The following SPTLC1 variants were observed in gnomAD, a reference collection of about 807,000 sequenced individuals.
SPTLC1 encodes the protein serine palmitoyltransferase 1.
SPTLC1 carries 55 observed loss-of-function variants against 68.9 expected under a neutral mutation model. The observed-to-expected ratio is 0.80, with a 90% CI of 0.64 to 1.00. The LOEUF (loss-of-function observed/expected upper bound fraction) is 1.00. SPTLC1 is among the 50% of genes least tolerant of loss of function. The pLI is 0.00. For synonymous variants in SPTLC1, 197 were observed against 201.6 expected, an observed-to-expected ratio of 0.98 and a Z score of 0.19; for missense variants, 449 against 573.1, an observed-to-expected ratio of 0.78 and a Z score of 2.21.
At chr9:92,060,401 C>A (rs372988410) in intron 6 of SPTLC1, among the ~76,000 whole-genome samples, 2 of 151,726 alleles carry the variant, frequency 1.3e-5, no homozygotes, top group African/African-American at 4.8e-5. Flanking sequence ...AGAGCAGCCA[C>A]GATAAAAATA....
At chr9:92,085,547 C>A (rs1344728958) in intron 3 of SPTLC1, among the ~76,000 whole-genome samples, 4 of 149,960 alleles carry the variant, frequency 2.7e-5, no homozygotes, top group African/African-American at 9.8e-5. Flanking sequence ...TGTAGTTGAG[C>A]GGTTTTGAGT....
chr9:92,032,559 C>A lies in SPTLC1; in HGVS notation c.1329-1G>T, dbSNP rs756268983. On this transcript the variant is annotated splice_acceptor_variant, in intron 14 of 14. Transcript: ENST00000262554. LOFTEE classifies it high-confidence loss of function. Reference sequence around the variant, plus strand: ...TTCCACCGTGACCACAACCCGAATGCTGAGAACAGTAAAGGACACAAAGAA... The same window carrying A: ...TTCCACCGTGACCACAACCCGAATGATGAGAACAGTAAAGGACACAAAGAA... 13 of 1,614,152 alleles carry A rather than the reference C, an allele frequency of 8.1e-6. No homozygotes were observed. The highest frequency in any genetic ancestry group is 1.1e-5 in the Non-Finnish European group (13 of 1,180,040).
intron 3 of SPTLC1, among the ~76,000 whole-genome samples, chr9:92,094,279 T>A (rs563976479): frequency 1.6e-4 from 24 of 152,360 alleles, no homozygotes; most frequent in African/African-American, 5.8e-4. Flanking sequence ...ATGTCATCAA[T>A]TGTATTTTAT....
intron 3 of SPTLC1, among the ~76,000 whole-genome samples, chr9:92,106,501 T>C (rs1165441214): frequency 2.0e-5 from 3 of 146,346 alleles, no homozygotes; most frequent in Non-Finnish European, 4.5e-5. Flanking sequence ...AAGTAAGACA[T>C]GGCAAACTGC....
chr9:92,039,982 T>C (rs1833284012), intron 12 of SPTLC1, among the ~76,000 whole-genome samples: 1 of 152,242 alleles, frequency 6.6e-6, no homozygotes, highest in South Asian at 2.1e-4. Context: ...CAATACACTT[T>C]GAAAACCCAT....
At chr9:92,103,703 C>CG (rs1835845068) in intron 3 of SPTLC1, among the ~76,000 whole-genome samples, 1 of 152,254 alleles carries the variant, frequency 6.6e-6, no homozygotes, top group African/African-American at 2.4e-5. Flanking sequence ...ATGGAGAAGG[C>CG]GGGCCTTGCT....
At chr9:92,098,506 A>C (rs1835624040) in intron 3 of SPTLC1, among the ~76,000 whole-genome samples, 1 of 152,070 alleles carries the variant, frequency 6.6e-6, no homozygotes, top group Non-Finnish European at 1.5e-5. Flanking sequence ...AACAACCTTC[A>C]ATTTTCTTGT....
chr9:92,111,635 A>C (rs1195490836), intron 2 of SPTLC1: 1 of 152,174 alleles, frequency 6.6e-6, no homozygotes, highest in Non-Finnish European at 1.5e-5. Flanking sequence ...CTTATGAGGA[A>C]TAGTTATAAC....
At position 92,115,249 on chromosome 9, in the gene SPTLC1, C is replaced by G. The variant is rs1054811024; in HGVS notation, c.57+65G>C. 9 of 1,534,456 alleles carry G rather than the reference C, an allele frequency of 5.9e-6. No individual in the cohort carries two copies. In the African/African-American group the frequency reaches 9.5e-5, roughly 16 times the overall value. On this transcript the variant is annotated intron_variant, in intron 1 of 14. Transcript: ENST00000262554. ...GCCGAGGTCTCAGGCCACAAATCCA[C>G]ACGCGTCCTCCCACCCTCCCCGGGC... is the stretch of plus-strand genomic sequence containing the variant.
At chr9:92,113,428 C>G (rs1354657281) in intron 1 of SPTLC1, among the ~76,000 whole-genome samples, 2 of 152,192 alleles carry the variant, frequency 1.3e-5, no homozygotes, top group Non-Finnish European at 2.9e-5. Flanking sequence ...GAAACTCTCT[C>G]TCTAGTGAAT....
intron 8 of SPTLC1, among the ~76,000 whole-genome samples, chr9:92,051,609 G>A (rs1436302579): frequency 6.6e-6 from 1 of 152,184 alleles, no homozygotes. Flanking sequence ...CACTGTAGTC[G>A]AGGTCCTAGC....
chr9:92,098,758 G>A (rs1354659439), intron 3 of SPTLC1, among the ~76,000 whole-genome samples: 1 of 152,008 alleles, frequency 6.6e-6, no homozygotes, highest in Non-Finnish European at 1.5e-5. Context: ...ATAATCTACT[G>A]TAAACCAAGA....
chr9:92,061,187 T>C (rs1476206102), intron 6 of SPTLC1, among the ~76,000 whole-genome samples: 2 of 152,120 alleles, frequency 1.3e-5, no homozygotes, highest in Admixed American at 6.5e-5. Flanking sequence ...TGCAAACAAA[T>C]AGTTGCCAAG....
intron 8 of SPTLC1, among the ~76,000 whole-genome samples, chr9:92,051,533 A>G (rs1833704232): frequency 6.6e-6 from 1 of 152,228 alleles, no homozygotes; most frequent in Non-Finnish European, 1.5e-5. Flanking sequence ...ATGGTAGAAG[A>G]CTGAAAGCTT....
intron 3 of SPTLC1, among the ~76,000 whole-genome samples, chr9:92,086,340 A>C (rs1835129866): frequency 6.6e-6 from 1 of 152,074 alleles, no homozygotes; most frequent in Non-Finnish European, 1.5e-5. Flanking sequence ...CCTAGTCTGG[A>C]TGGTCTTTAC....
chr9:92,079,726 T>C lies in SPTLC1; in HGVS notation c.427+290A>G, dbSNP rs926036277. The C allele has an allele frequency of 2.4e-5, 17 of 722,596 alleles. No homozygotes were observed. In the African/African-American group the frequency reaches 3.0e-4, roughly 13 times the overall value. 44.8% of individuals were successfully genotyped at this position (722,596 alleles called of 1,614,324 possible). ...GACTGTGGGCAGAAGTATGAGGCCA[T>C]CTCCCCTGCATAAAGAGTACTGCTG... On this transcript the variant is annotated intron_variant, in intron 5 of 14. Transcript: ENST00000262554.
chr9:92,097,510 C>T (rs151182930), intron 3 of SPTLC1, among the ~76,000 whole-genome samples: 19 of 152,220 alleles, frequency 1.2e-4, no homozygotes, highest in South Asian at 2.1e-4. Context: ...AAATGAAGTA[C>T]GGATACATGC....
At chr9:92,115,124 C>T (rs1836401946) in intron 1 of SPTLC1, 190 bp downstream of exon 1, 1 of 585,396 alleles carries the variant, frequency 1.7e-6, no homozygotes, top group East Asian at 3.0e-5. Flanking sequence ...CCAGCCCCCG[C>T]CCCCGCCCGT....
intron 14 of SPTLC1, among the ~76,000 whole-genome samples, chr9:92,034,297 T>C (rs566282603): frequency 4.6e-5 from 7 of 152,334 alleles, no homozygotes; most frequent in African/African-American, 1.7e-4. Context: ...GTGAACAGAA[T>C]CCAGTCTCCT....
Sources: allele counts gnomAD v4.1 joint callset (sites outside exome capture counted in the v4.1 genomes callset), GRCh38; gene constraint gnomAD v4.1.1; transcripts MANE v1.5; gene names NCBI Gene and HGNC (gene_info 2026-07-23, HGNC 2026-07-21).